CNTNAP5: variants seen among roughly 807,000 people sequenced by gnomAD.
CNTNAP5 encodes the protein contactin-associated protein-like 5.
A neutral mutation model predicts 150.2 loss-of-function variants in CNTNAP5; 72 were observed. The observed-to-expected ratio is 0.48, with a 90% CI of 0.40 to 0.58. CNTNAP5 has a LOEUF of 0.58. Among genes scored for constraint, CNTNAP5 ranks in the 20% least tolerant of loss-of-function variants. The pLI, the probability that CNTNAP5 is intolerant of heterozygous loss-of-function variation, is 0.00. For synonymous variants in CNTNAP5, 672 were observed against 619.8 expected, an observed-to-expected ratio of 1.08 and a Z score of -1.25; for missense variants, 1,636 against 1,626.2, an observed-to-expected ratio of 1.01 and a Z score of -0.10.
chr2:124,531,290 A>T (rs1169195447), intron 10 of CNTNAP5, among the ~76,000 whole-genome samples: 1 of 152,110 alleles, frequency 6.6e-6, no homozygotes, highest in African/African-American at 2.4e-5. Flanking sequence ...AGTGACGAGG[A>T]GTGTCTGTAA....
At chr2:124,903,200 T>C in intron 22 of CNTNAP5, 100 bp downstream of exon 22, 2 of 688,320 alleles carry the variant, frequency 2.9e-6, no homozygotes, top group Non-Finnish European at 4.5e-6. Flanking sequence ...TGTGACTCAG[T>C]TTTTACTTTG....
chr2:124,249,583 T>C (rs1687119720), intron 3 of CNTNAP5, among the ~76,000 whole-genome samples: 1 of 152,198 alleles, frequency 6.6e-6, no homozygotes, highest in Admixed American at 6.6e-5. Context: ...CCCATCCGCT[T>C]TGGGTTGTCC....
At chr2:124,698,130 C>T (rs1212002957) in intron 13 of CNTNAP5, among the ~76,000 whole-genome samples, 1 of 152,012 alleles carries the variant, frequency 6.6e-6, no homozygotes, top group African/African-American at 2.4e-5. Flanking sequence ...GTATGATCTG[C>T]TCAGATTCAT....
At chr2:124,142,128 A>G (rs1684128342) in intron 1 of CNTNAP5, among the ~76,000 whole-genome samples, 1 of 138,850 alleles carries the variant, frequency 7.2e-6, no homozygotes, top group African/African-American at 2.8e-5. Context: ...AGGAGCACCC[A>G]GATTCATAAA....
At chr2:124,454,809 A>G (rs1217646785) in intron 6 of CNTNAP5, among the ~76,000 whole-genome samples, 1 of 152,174 alleles carries the variant, frequency 6.6e-6, no homozygotes, top group Non-Finnish European at 1.5e-5. Context: ...CCAAAAATGA[A>G]ATCAAGATGA....
At chr2:124,559,360 T>G (rs1436802969) in intron 10 of CNTNAP5, among the ~76,000 whole-genome samples, 1 of 152,190 alleles carries the variant, frequency 6.6e-6, no homozygotes, top group African/African-American at 2.4e-5. Flanking sequence ...ATACAGAGGC[T>G]AACAGCTTCC....
At position 124,438,020 on chromosome 2, in the gene CNTNAP5, G is replaced by T. The variant is rs542793654; in HGVS notation, c.733+3333G>T. On this transcript the variant is annotated intron_variant, in intron 5 of 23. Coordinates refer to ENST00000682447, the MANE Select transcript of CNTNAP5 (RefSeq NM_001367498.1). ...TTCAGCACCACGGTCAGCTGCTCAG[G>T]ATGGCACTGGGGACATACATAGTGT... Among the ~76,000 whole-genome samples, 36 of 152,256 alleles carry T rather than the reference G, an allele frequency of 2.4e-4. 2 individuals are homozygous for T. Among genetic ancestry groups the T allele is most frequent in the African/African-American group, 8.4e-4 (35 of 41,554 alleles).
chr2:124,797,115 A>G (rs1219682736), intron 18 of CNTNAP5, among the ~76,000 whole-genome samples: 1 of 152,228 alleles, frequency 6.6e-6, no homozygotes, highest in Non-Finnish European at 1.5e-5. Flanking sequence ...TCAGAGAAAT[A>G]CTGATGAGGT....
At chr2:124,255,361 A>G (rs1364561321) in intron 3 of CNTNAP5, among the ~76,000 whole-genome samples, 2 of 151,736 alleles carry the variant, frequency 1.3e-5, no homozygotes, top group African/African-American at 4.8e-5. Flanking sequence ...CATCTTTACT[A>G]AAAATACAAA....
At chr2:124,500,299 A>G (rs778141376) in intron 7 of CNTNAP5, among the ~76,000 whole-genome samples, 5 of 152,200 alleles carry the variant, frequency 3.3e-5, no homozygotes, top group Non-Finnish European at 7.3e-5. Flanking sequence ...TTGAAAAAAC[A>G]GTATTCTTTA....
At chr2:124,733,589 G>T (rs552818819) in intron 13 of CNTNAP5, among the ~76,000 whole-genome samples, 1 of 152,186 alleles carries the variant, frequency 6.6e-6, no homozygotes, top group South Asian at 2.1e-4. Flanking sequence ...GATTGAGGAA[G>T]AACATCTGTC....
chr2:124,169,722 C>G (rs1684888097), intron 1 of CNTNAP5, among the ~76,000 whole-genome samples: 1 of 152,088 alleles, frequency 6.6e-6, no homozygotes, highest in Admixed American at 6.6e-5. Flanking sequence ...GTTTAAGGTA[C>G]AGAACAAAGT....
intron 21 of CNTNAP5, among the ~76,000 whole-genome samples, chr2:124,901,667 T>G (rs1332296137): frequency 6.6e-6 from 1 of 152,184 alleles, no homozygotes; most frequent in Admixed American, 6.5e-5. Context: ...CACACTTGTG[T>G]TTTAAGCTCT....
intron 13 of CNTNAP5, among the ~76,000 whole-genome samples, chr2:124,706,165 A>G (rs932843336): frequency 2.6e-5 from 4 of 152,206 alleles, no homozygotes; most frequent in African/African-American, 9.6e-5. Context: ...GACTTACCCA[A>G]AAGACGAGTG....
At chr2:124,799,026 A>C (rs1681908528) in intron 19 of CNTNAP5, among the ~76,000 whole-genome samples, 1 of 152,140 alleles carries the variant, frequency 6.6e-6, no homozygotes, top group Non-Finnish European at 1.5e-5. Context: ...TATTTTCCTA[A>C]TGCTAAATAA....
intron 1 of CNTNAP5, among the ~76,000 whole-genome samples, chr2:124,184,167 G>C (rs573868767): frequency 6.6e-6 from 1 of 152,262 alleles, no homozygotes; most frequent in East Asian, 1.9e-4. Context: ...GGCAGAGGAA[G>C]TGTCTACAAG....
intron 13 of CNTNAP5, among the ~76,000 whole-genome samples, chr2:124,657,393 C>T (rs1678482364): frequency 6.6e-6 from 1 of 152,024 alleles, no homozygotes; most frequent in African/African-American, 2.4e-5. Flanking sequence ...CGATTCCTTC[C>T]TCTTCACCAT....
chr2:124,868,792 G>A (rs1677684605), intron 20 of CNTNAP5, among the ~76,000 whole-genome samples: 1 of 152,144 alleles, frequency 6.6e-6, no homozygotes, highest in African/African-American at 2.4e-5. Flanking sequence ...GCTGTGCAAA[G>A]TCAGGCACAT....
intron 13 of CNTNAP5, among the ~76,000 whole-genome samples, chr2:124,743,184 A>G (rs1306839696): frequency 2.6e-5 from 4 of 152,190 alleles, no homozygotes; most frequent in Non-Finnish European, 4.4e-5. Flanking sequence ...TTTGTTTATC[A>G]GAAGCATCAA....
Sources: gnomAD v4.1 joint callset for allele counts (sites outside exome capture counted in the v4.1 genomes callset) on GRCh38, gnomAD v4.1.1 for gene constraint, MANE v1.5 for transcripts, NCBI Gene and HGNC (gene_info 2026-07-23, HGNC 2026-07-21) for gene names.